The following KAT6A variants were observed in gnomAD, a reference collection of about 807,000 sequenced individuals.
The protein encoded by KAT6A is lysine acetyltransferase 6A, also known as histone acetyltransferase KAT6A.
KAT6A carries 9 observed loss-of-function variants against 198.4 expected under a neutral mutation model. The observed-to-expected ratio is 0.05, with a 90% confidence interval of 0.03 to 0.08. The LOEUF is 0.08. Among genes scored for constraint, KAT6A ranks in the 10% least tolerant of loss-of-function variants. The probability of loss-of-function intolerance (pLI) is 1.00; values close to 1 mark genes in which losing one functional copy is unlikely to be tolerated. For synonymous variants in KAT6A, 890 were observed against 883.0 expected, an observed-to-expected ratio of 1.01 and a Z score of -0.14; for missense variants, 2,077 against 2,509.9, an observed-to-expected ratio of 0.83 and a Z score of 3.69.
intron 3 of KAT6A, among the ~76,000 whole-genome samples, chr8:41,983,340 G>C (rs754217571): frequency 2.7e-4 from 41 of 152,314 alleles, no homozygotes; most frequent in Middle Eastern, 6.8e-3. Flanking sequence ...GAAAATCCAA[G>C]AGGTGTGAAA....
At chr8:42,012,704 AT>A (rs1305999726) in intron 2 of KAT6A, among the ~76,000 whole-genome samples, 5 of 152,196 alleles carry the variant, frequency 3.3e-5, no homozygotes, top group African/African-American at 4.8e-5. Flanking sequence ...CAGTTTCGCA[AT>A]TTTTTACAGC....
chr8:42,029,828 A>C (rs1254981379), intron 2 of KAT6A, among the ~76,000 whole-genome samples: 1 of 152,034 alleles, frequency 6.6e-6, no homozygotes, highest in Non-Finnish European at 1.5e-5. Context: ...TGTTTATGTT[A>C]TCTGTTAAAT....
intron 2 of KAT6A, among the ~76,000 whole-genome samples, chr8:42,034,238 G>A (rs1024425439): frequency 6.6e-6 from 1 of 152,168 alleles, no homozygotes; most frequent in Non-Finnish European, 1.5e-5. Context: ...CATCAGAATC[G>A]CCTGGAGGAC....
intron 3 of KAT6A, among the ~76,000 whole-genome samples, chr8:41,986,998 A>C (rs1453920063): frequency 6.6e-6 from 1 of 152,206 alleles, no homozygotes; most frequent in African/African-American, 2.4e-5. Context: ...AGATCACGCC[A>C]CTACACTCCA....
chr8:41,987,610 G>A, intron 2 of KAT6A, 47 bp from the exon 3 acceptor site: 2 of 1,087,232 alleles, frequency 1.8e-6, no homozygotes, highest in Non-Finnish European at 1.4e-6. Context: ...CTTTTATTTA[G>A]TATTACTACA....
intron 15 of KAT6A, among the ~76,000 whole-genome samples, chr8:41,937,872 A>G (rs1358137299): frequency 1.3e-5 from 2 of 152,216 alleles, no homozygotes; most frequent in African/African-American, 2.4e-5. Context: ...GCCCTGTTTT[A>G]ATACTGAACT....
intron 2 of KAT6A, among the ~76,000 whole-genome samples, chr8:42,046,168 C>T (rs977371501): frequency 1.3e-5 from 2 of 152,106 alleles, no homozygotes; most frequent in African/African-American, 2.4e-5. Context: ...AAAATATGCT[C>T]AAATGACATT....
At chr8:42,018,687 C>T (rs577511178) in intron 2 of KAT6A, among the ~76,000 whole-genome samples, 1 of 152,230 alleles carries the variant, frequency 6.6e-6, no homozygotes, top group African/African-American at 2.4e-5. Context: ...CTTTGAGAGG[C>T]CGAGGTGGAT....
intron 2 of KAT6A, among the ~76,000 whole-genome samples, chr8:42,013,826 A>C (rs988633443): frequency 1.3e-5 from 2 of 152,232 alleles, no homozygotes; most frequent in African/African-American, 4.8e-5. Context: ...ACAATGACTT[A>C]GTCAAGAGGG....
In KAT6A at chr8:41,933,827, C is replaced by T. The variant is rs1193829737; in HGVS notation, c.4393G>A (p.Asp1465Asn). Residue 1465 changes from aspartate (D) to asparagine (N), a missense_variant, in exon 17 of 17, where the codon GAC becomes AAC. Asp to Asn is a conservative substitution (Grantham distance 23, BLOSUM62 1). Transcript: ENST00000265713. This position sits in a 1 kb window ranked among gnomAD's most constrained non-coding sequence, Gnocchi z 6.2. ...TLQSYTQADE[D>N]PQMSMVEDCH... ...TCTTCAACCATGGACATCTGAGGGT[C>T]CTCGTCAGCCTGGGTGTAACTCTGC... 1.2e-6 allele frequency: 2 copies of T among 1,614,064 alleles called. No individual in the cohort carries two copies. The highest frequency in any genetic ancestry group is 8.5e-7 in the Non-Finnish European group (1 of 1,180,010).
At chr8:42,029,759 C>A (rs1018017948) in intron 2 of KAT6A, among the ~76,000 whole-genome samples, 1 of 151,598 alleles carries the variant, frequency 6.6e-6, no homozygotes, top group African/African-American at 2.4e-5. Context: ...ACCATGACCA[C>A]CTCAATTATA....
chr8:42,020,078 C>T (rs1199531010), intron 2 of KAT6A, among the ~76,000 whole-genome samples: 2 of 152,014 alleles, frequency 1.3e-5, no homozygotes, highest in Non-Finnish European at 2.9e-5. Context: ...TAAATCATTC[C>T]TTTAAACTAT....
intron 2 of KAT6A, among the ~76,000 whole-genome samples, chr8:42,023,174 T>A (rs1826634448): frequency 6.6e-6 from 1 of 152,200 alleles, no homozygotes; most frequent in African/African-American, 2.4e-5. Context: ...AAGATTTTTT[T>A]AAATTAGTAC....
chr8:41,977,777 G>A (rs1410586684), intron 6 of KAT6A, among the ~76,000 whole-genome samples: 2 of 152,066 alleles, frequency 1.3e-5, no homozygotes, highest in Admixed American at 6.6e-5. Context: ...GTTATTCTTC[G>A]AAGGCCAGGA....
intron 2 of KAT6A, among the ~76,000 whole-genome samples, chr8:42,046,514 G>C (rs13259238): frequency 9.2e-5 from 14 of 152,204 alleles, no homozygotes; most frequent in Admixed American, 8.5e-4. Flanking sequence ...CTGGGTGACA[G>C]AACGAGATTC....
In KAT6A at chr8:41,983,655, G is replaced by C. The variant is rs181060350; in HGVS notation, c.710-1701C>G. ...CCTTAGAATGAATTCCTGAAAGTGG[G>C]ATTGGTGAGTCAAATGTATTAAACA... On this transcript the variant is annotated intron_variant, in intron 3 of 16. Coordinates refer to ENST00000265713, the MANE Select transcript of KAT6A (RefSeq NM_006766.5). 3.3e-5 allele frequency among the ~76,000 whole-genome samples: 5 copies of C among 152,270 alleles called. No homozygotes were observed. In the East Asian group the frequency reaches 9.6e-4, roughly 29 times the overall value.
At chr8:42,047,601 G>A (rs1802378647) in intron 2 of KAT6A, among the ~76,000 whole-genome samples, 1 of 152,006 alleles carries the variant, frequency 6.6e-6, no homozygotes, top group African/African-American at 2.4e-5. Flanking sequence ...GGTGGACGTG[G>A]GGTCTCGCTA....
rs1587705576 is a variant in KAT6A, at chr8:41,932,404, T to C, written c.5816A>G (p.Asn1939Ser). 5 of 1,614,060 alleles carry C rather than the reference T, an allele frequency of 3.1e-6. No individual in the cohort carries two copies. The highest frequency in any genetic ancestry group is 1.3e-5 in the African/African-American group (1 of 74,914). Residue 1939 changes from asparagine to serine, a missense_variant, in exon 17 of 17, where the codon AAC becomes AGC. Asn to Ser is a conservative substitution (Grantham distance 46). Coordinates refer to ENST00000265713, the MANE Select transcript of KAT6A (RefSeq NM_006766.5). ...TGCTGTCTGGTTCATGTAGGCAGGG[T>C]TACTATGGTAACTGCTGTTCATCAT... ...QPMMNSSYHS[N>S]PAYMNQTAQY... is the part of the protein sequence containing the mutation.
At position 41,940,941 on chromosome 8, in the gene KAT6A, G is replaced by A. The variant is rs1021578904; in HGVS notation, c.2940C>T (p.Val980=). 2.5e-6 allele frequency: 4 copies of A among 1,614,076 alleles called. No individual in the cohort carries two copies. Among genetic ancestry groups the A allele is most frequent in the Non-Finnish European group, 3.4e-6 (4 of 1,180,042 alleles). Reference sequence around the variant, plus strand: ...CGCTGCTCTCACTGAAGCCCCTGAGGACAGCCCTGTCACCCTCACTGTAGC... The same window carrying A: ...CGCTGCTCTCACTGAAGCCCCTGAGAACAGCCCTGTCACCCTCACTGTAGC... The part of the protein sequence containing the change: ...PRRYSEGDRA[V]LRGFSESSEE... Residue 980 remains valine (V), a synonymous_variant, in exon 15 of 17, where the codon GTC becomes GTT. Coordinates refer to ENST00000265713, the MANE Select transcript of KAT6A (RefSeq NM_006766.5).
Sources: gnomAD v4.1 joint callset for allele counts (sites outside exome capture counted in the v4.1 genomes callset) on GRCh38, gnomAD v4.1.1 for gene constraint, Gnocchi (gnomAD v3.1) non-coding constraint, MANE v1.5 for transcripts, NCBI Gene and HGNC (gene_info 2026-07-23, HGNC 2026-07-21) for gene names.